Variants in DLG1 observed in about 807,000 individuals in gnomAD.
DLG1 encodes the protein discs large MAGUK scaffold protein 1.
A neutral mutation model predicts 123.4 loss-of-function variants in DLG1; 42 were observed. The observed-to-expected ratio is 0.34, with a 90% CI of 0.27 to 0.44. The LOEUF (loss-of-function observed/expected upper bound fraction) is 0.44, where lower values mean the gene tolerates loss of function less well. Among genes scored for constraint, DLG1 ranks in the 20% least tolerant of loss-of-function variants. The probability of loss-of-function intolerance (pLI) is 1.00; values close to 1 mark genes in which losing one functional copy is unlikely to be tolerated. For synonymous variants in DLG1, 317 were observed against 356.2 expected (o/e 0.89, Z 1.24); for missense variants, 942 against 1,082.6 (o/e 0.87, Z 1.82).
At chr3:197,105,671 T>C (rs939226646) in intron 13 of DLG1, among the ~76,000 whole-genome samples, 5 of 152,216 alleles carry the variant, frequency 3.3e-5, no homozygotes, top group African/African-American at 1.2e-4. Context: ...ACTTAATTCT[T>C]ATTTCTCAAA....
intron 13 of DLG1, among the ~76,000 whole-genome samples, chr3:197,113,753 T>G (rs1771454237): frequency 6.6e-6 from 1 of 152,314 alleles, no homozygotes. Flanking sequence ...TAAGCTGCTA[T>G]AGTTTCAGAT....
intron 4 of DLG1, among the ~76,000 whole-genome samples, chr3:197,268,051 T>C (rs1035889750): frequency 1.3e-5 from 2 of 152,166 alleles, no homozygotes; most frequent in African/African-American, 2.4e-5. Flanking sequence ...TGAAAACATA[T>C]AAAGTTAGGA....
chr3:197,153,352 A>G (rs1794871229), intron 5 of DLG1, among the ~76,000 whole-genome samples: 1 of 152,330 alleles, frequency 6.6e-6, no homozygotes, highest in Non-Finnish European at 1.5e-5. Flanking sequence ...CTTGGAGTCT[A>G]CTGAAGGCTG....
At chr3:197,280,907 G>A (rs922709482) in intron 4 of DLG1, among the ~76,000 whole-genome samples, 5 of 152,072 alleles carry the variant, frequency 3.3e-5, no homozygotes, top group African/African-American at 1.2e-4. Flanking sequence ...TCACAATTCT[G>A]GAGGCTGGGA....
At chr3:197,175,668 G>A (rs1354285911) in intron 5 of DLG1, among the ~76,000 whole-genome samples, 2 of 152,162 alleles carry the variant, frequency 1.3e-5, no homozygotes, top group African/African-American at 2.4e-5. Flanking sequence ...TTTATCAAGT[G>A]CATTCTCCAT....
At chr3:197,162,012 A>T (rs1308304397) in intron 5 of DLG1, among the ~76,000 whole-genome samples, 1 of 152,200 alleles carries the variant, frequency 6.6e-6, no homozygotes, top group Non-Finnish European at 1.5e-5. Flanking sequence ...TATCATTTAC[A>T]ATATTCCTTC....
At chr3:197,153,295 G>C (rs1386365945) in intron 5 of DLG1, among the ~76,000 whole-genome samples, 1 of 152,178 alleles carries the variant, frequency 6.6e-6, no homozygotes, top group African/African-American at 2.4e-5. Context: ...TCTCCACCTT[G>C]AACACAATTT....
chr3:197,181,980 T>G (rs1380895538), intron 5 of DLG1, among the ~76,000 whole-genome samples: 2 of 152,206 alleles, frequency 1.3e-5, no homozygotes, highest in Non-Finnish European at 1.5e-5. Context: ...CCCAAGCGGC[T>G]ATAACGTAAC....
rs537841426 is a variant in DLG1, at chr3:197,065,797, C to T, written c.2111G>A (p.Arg704Gln). 5 of 1,583,080 alleles carry T rather than the reference C, an allele frequency of 3.2e-6. No individual in the cohort carries two copies. Among genetic ancestry groups the T allele is most frequent in the Middle Eastern group, 1.7e-4 (1 of 6,000 alleles). Residue 704 changes from arginine to glutamine, a missense_variant, in exon 21 of 25, where the codon CGA (arginine) becomes CAA (glutamine). Transcript: ENST00000667157. ...PVNQQEVNYT[R>Q]PVIILGPMKD... ...CATAGGTCCCAATATGATCACTGGT[C>T]GAGTATAATTAACTATAAAGATAAA...
chr3:197,279,455 C>T lies in DLG1; in HGVS notation c.318+3224G>A, dbSNP rs182151250. On this transcript the variant is annotated intron_variant, in intron 4 of 24. Coordinates refer to ENST00000667157, the MANE Select transcript of DLG1 (RefSeq NM_001366207.1). ...CTTGATGGACATATCCCAATGTTCC[C>T]CTTAGAGTCTATTCATGAATATGAA... is the stretch of plus-strand genomic sequence containing the variant. 2.4e-4 allele frequency among the ~76,000 whole-genome samples: 36 copies of T among 152,224 alleles called. No homozygotes were observed. In the East Asian group the frequency reaches 6.6e-3, roughly 28 times the overall value.
intron 4 of DLG1, 69 bp from the exon 5 acceptor site, chr3:197,194,658 T>C (rs1721448414): frequency 9.0e-7 from 1 of 1,112,476 alleles, no homozygotes; most frequent in Admixed American, 2.6e-5. Context: ...ATGGTTTTCA[T>C]AACTAGCCAA....
chr3:197,181,977 G>A (rs1024103688), intron 5 of DLG1, among the ~76,000 whole-genome samples: 3 of 152,062 alleles, frequency 2.0e-5, no homozygotes, highest in Non-Finnish European at 2.9e-5. Flanking sequence ...ACTCCCAAGC[G>A]GCTATAACGT....
intron 5 of DLG1, among the ~76,000 whole-genome samples, chr3:197,180,297 G>A (rs1434193302): frequency 6.6e-6 from 1 of 152,126 alleles, no homozygotes; most frequent in African/African-American, 2.4e-5. Flanking sequence ...CTGTGCTGGA[G>A]TTCTATAAAA....
At chr3:197,071,996 C>T (rs533792746) in intron 18 of DLG1, among the ~76,000 whole-genome samples, 42 of 152,240 alleles carry the variant, frequency 2.8e-4, no homozygotes, top group African/African-American at 6.7e-4. Flanking sequence ...TTCAAAGCAA[C>T]ACTATTTAAA....
chr3:197,278,418 C>G (rs1166458556), intron 4 of DLG1, among the ~76,000 whole-genome samples: 5 of 150,368 alleles, frequency 3.3e-5, no homozygotes, highest in African/African-American at 1.2e-4. Flanking sequence ...ATACAGTGAG[C>G]TATGATCGCA....
intron 4 of DLG1, among the ~76,000 whole-genome samples, chr3:197,277,064 G>A (rs1426433053): frequency 6.6e-6 from 1 of 151,596 alleles, no homozygotes; most frequent in Admixed American, 6.6e-5. Context: ...GCTAATTTTT[G>A]CATTTTTTGT....
At chr3:197,136,355 C>G in intron 10 of DLG1, 187 bp downstream of exon 10, 1 of 532,396 alleles carries the variant, frequency 1.9e-6, no homozygotes, top group Non-Finnish European at 3.3e-6. Context: ...GAGGAGCTAG[C>G]AGAGAAAAGA....
intron 4 of DLG1, among the ~76,000 whole-genome samples, chr3:197,234,442 C>A (rs1322233425): frequency 6.6e-6 from 1 of 152,124 alleles, no homozygotes; most frequent in Non-Finnish European, 1.5e-5. Flanking sequence ...GACTGGAGAT[C>A]TTACTTTTGA....
intron 4 of DLG1, among the ~76,000 whole-genome samples, chr3:197,198,987 G>C (rs139320532): frequency 2.8e-3 from 426 of 152,256 alleles, no homozygotes; most frequent in Non-Finnish European, 4.4e-3. Context: ...ATTAGTTAGT[G>C]GTGGTAGGTG....
Sources: allele counts gnomAD v4.1 joint callset (sites outside exome capture counted in the v4.1 genomes callset), GRCh38; gene constraint gnomAD v4.1.1; transcripts MANE v1.5; gene names NCBI Gene and HGNC (gene_info 2026-07-23, HGNC 2026-07-21).